The following HSPA4L variants were observed in gnomAD, a reference collection of about 807,000 sequenced individuals.
HSPA4L encodes the protein heat shock 70 kDa protein 4L.
In HSPA4L, 48 loss-of-function variants were observed where a neutral mutation model predicts 100.3. That is an observed-to-expected ratio of 0.48 (90% CI 0.38 to 0.61). HSPA4L has a LOEUF of 0.61. Ranked by LOEUF, HSPA4L falls within the 20% of genes least tolerant of loss-of-function variation. The pLI, the probability that HSPA4L is intolerant of heterozygous loss-of-function variation, is 0.00. For synonymous variants in HSPA4L, 319 were observed against 328.2 expected, an observed-to-expected ratio of 0.97 and a Z score of 0.30; for missense variants, 886 against 988.6, an observed-to-expected ratio of 0.90 and a Z score of 1.39.
intron 15 of HSPA4L, 150 bp downstream of exon 15, chr4:127,823,044 C>A: frequency 1.5e-6 from 1 of 652,056 alleles, no homozygotes; most frequent in Non-Finnish European, 2.4e-6. Context: ...TTACAAGTTG[C>A]AGAAGTATGG....
intron 17 of HSPA4L, among the ~76,000 whole-genome samples, chr4:127,829,128 CAT>C (rs1166527780): frequency 2.6e-5 from 4 of 152,152 alleles, no homozygotes; most frequent in Middle Eastern, 3.4e-3. Flanking sequence ...AGGTGATACA[CAT>C]GTTAGGAGAG....
intron 13 of HSPA4L, 106 bp downstream of exon 13, chr4:127,818,526 G>C (rs1733732618): frequency 3.4e-6 from 2 of 581,362 alleles, no homozygotes; most frequent in Non-Finnish European, 5.8e-6. Context: ...TCTTAGAATT[G>C]TGAGAGAATA....
In HSPA4L at chr4:127,836,505, G is replaced by A. The variant is rs1289547191; in HGVS notation, c.*3631G>A. The A allele has an allele frequency of 6.6e-6, 1 of 151,886 alleles. No homozygotes were observed. The highest frequency in any genetic ancestry group is 1.5e-5 in the Non-Finnish European group (1 of 67,988). 9.4% of individuals were successfully genotyped at this position (151,886 alleles called of 1,614,324 possible). On this transcript the variant is annotated 3_prime_UTR_variant, in exon 19 of 19. Transcript: ENST00000296464. Reference sequence around the variant, plus strand: ...TATATTAAGAGCTAAAAGAAGTAAAGGTTTCTTAGACTTTTTTTGGGAGGG... The same window carrying A: ...TATATTAAGAGCTAAAAGAAGTAAAAGTTTCTTAGACTTTTTTTGGGAGGG...
In HSPA4L at chr4:127,819,998, G is replaced by T. The variant is rs536437676; in HGVS notation, c.1675-430G>T. On this transcript the variant is annotated intron_variant, in intron 13 of 18. Coordinates refer to ENST00000296464, the MANE Select transcript of HSPA4L (RefSeq NM_014278.4). Reference sequence around the variant, plus strand: ...CATATACCTAGGAATGGAATTGCTGGGTCATAATTGTTTAACATTTTTGTT... The same window carrying T: ...CATATACCTAGGAATGGAATTGCTGTGTCATAATTGTTTAACATTTTTGTT... Among the ~76,000 whole-genome samples, 10 of 152,044 alleles carry T rather than the reference G, an allele frequency of 6.6e-5. No homozygotes were observed. In the East Asian group the frequency reaches 1.9e-3, roughly 29 times the overall value.
At chr4:127,822,664 T>G (rs1479593702) in intron 14 of HSPA4L, 105 bp from the exon 15 acceptor site, 2 of 1,052,352 alleles carry the variant, frequency 1.9e-6, no homozygotes, top group African/African-American at 3.2e-5. Flanking sequence ...ACTTATTTTT[T>G]GTATTGTAAT....
At chr4:127,831,618 A>T (rs1183045470) in intron 18 of HSPA4L, among the ~76,000 whole-genome samples, 1 of 151,950 alleles carries the variant, frequency 6.6e-6, no homozygotes, top group Non-Finnish European at 1.5e-5. Context: ...CATTTTACAT[A>T]TAGAGATATC....
rs1242460973 is a variant in HSPA4L, at chr4:127,818,312, A to G, written c.1579-13A>G. The G allele has an allele frequency of 3.2e-6, 5 of 1,574,418 alleles. No homozygotes were observed. Among genetic ancestry groups the G allele is most frequent in the Non-Finnish European group, 4.4e-6 (5 of 1,147,458 alleles). ...ACACTGCGTATATTATCAATTATGTATTTTCTTTCTAGGATAAAATGCAGG... is the reference window on the plus strand; with the variant it reads ...ACACTGCGTATATTATCAATTATGTGTTTTCTTTCTAGGATAAAATGCAGG... On this transcript the variant is annotated splice_polypyrimidine_tract_variant and intron_variant, in intron 12 of 18. Coordinates refer to ENST00000296464, the MANE Select transcript of HSPA4L (RefSeq NM_014278.4).
At chr4:127,783,494 G>C in intron 1 of HSPA4L, 1 of 1,458,254 alleles carries the variant, frequency 6.9e-7, no homozygotes, top group East Asian at 2.5e-5. Flanking sequence ...TAGGAGGAGC[G>C]GCGTTATGTC....
intron 12 of HSPA4L, 48 bp from the exon 13 acceptor site, chr4:127,818,277 C>CAA: frequency 7.5e-7 from 1 of 1,326,154 alleles, no homozygotes; most frequent in Non-Finnish European, 1.1e-6. Context: ...ATTTTTAAAA[C>CAA]AAAAAAAAGA....
intron 3 of HSPA4L, among the ~76,000 whole-genome samples, chr4:127,798,354 GA>G (rs1224085092): frequency 6.6e-6 from 1 of 152,128 alleles, no homozygotes; most frequent in Non-Finnish European, 1.5e-5. Flanking sequence ...CTACACTTTT[GA>G]AAATACTTTG....
Position 127,808,088 on chromosome 4 carries a change from A to T in HSPA4L, c.1337A>T (p.Tyr446Phe). 1 of 1,612,370 alleles carries T rather than the reference A, an allele frequency of 6.2e-7. No homozygotes were observed. Among genetic ancestry groups the T allele is most frequent in the Middle Eastern group, 1.7e-4 (1 of 6,054 alleles). Residue 446 changes from tyrosine (Y) to phenylalanine (F), a missense_variant, in exon 11 of 19, where the codon TAT (tyrosine) becomes TTT (phenylalanine). Coordinates refer to ENST00000296464, the MANE Select transcript of HSPA4L (RefSeq NM_014278.4). ...KKEPFELEAFYTNLHEVPYPD... is the reference protein window; with the variant it reads ...KKEPFELEAFFTNLHEVPYPD... ...GAACCATTTGAACTAGAAGCATTTT[A>T]TACTAATTTACATGAAGTGCCTTAT...
Position 127,795,796 on chromosome 4 carries a change from A to G in HSPA4L, c.194A>G (p.His65Arg). 6.2e-7 allele frequency: 1 copy of G among 1,613,702 alleles called. No homozygotes were observed. The highest frequency in any genetic ancestry group is 8.5e-7 in the Non-Finnish European group (1 of 1,179,654). Residue 65 changes from histidine to arginine, a missense_variant, in exon 3 of 19, where the codon CAT (histidine) becomes CGT (arginine). Transcript: ENST00000296464. The stretch of plus-strand genomic sequence containing the variant: ...GTCACGAACGTAAGAAATACAATTC[A>G]TGGCTTCAAAAAGCTTCATGGGCGA... ...QIVTNVRNTIHGFKKLHGRSF... is the reference protein window; with the variant it reads ...QIVTNVRNTIRGFKKLHGRSF...
chr4:127,806,762 G>A (rs914702804), intron 10 of HSPA4L, among the ~76,000 whole-genome samples: 1 of 151,820 alleles, frequency 6.6e-6, no homozygotes, highest in African/African-American at 2.4e-5. Context: ...ATGAATAATG[G>A]TGTGTTTACA....
intron 1 of HSPA4L, among the ~76,000 whole-genome samples, chr4:127,791,718 A>T (rs1023338913): frequency 1.3e-5 from 2 of 151,844 alleles, no homozygotes; most frequent in Non-Finnish European, 2.9e-5. Flanking sequence ...TCTCCAACAA[A>T]CTCTCTACCA....
At chr4:127,816,618 A>C (rs1733676717) in intron 12 of HSPA4L, among the ~76,000 whole-genome samples, 1 of 152,198 alleles carries the variant, frequency 6.6e-6, no homozygotes, top group African/African-American at 2.4e-5. Flanking sequence ...ATAAAGATAC[A>C]GTCATAAGTC....
At chr4:127,789,174 A>C (rs1375847555) in intron 1 of HSPA4L, among the ~76,000 whole-genome samples, 1 of 152,234 alleles carries the variant, frequency 6.6e-6, no homozygotes, top group Non-Finnish European at 1.5e-5. Context: ...GAGAAAATAC[A>C]GATACAGCTT....
Position 127,808,139 on chromosome 4 carries a change from A to T in HSPA4L, c.1378+10A>T, listed in dbSNP as rs757261296. The stretch of plus-strand genomic sequence containing the variant: ...CCTGATGCAAGAATTGGTAAGATAA[A>T]AAAAAGTTCTCCATAACATTTTGGC... On this transcript the variant is annotated intron_variant, in intron 11 of 18. Coordinates refer to ENST00000296464, the MANE Select transcript of HSPA4L (RefSeq NM_014278.4). The T allele has an allele frequency of 6.3e-7, 1 of 1,581,584 alleles. No homozygotes were observed. Among genetic ancestry groups the T allele is most frequent in the Non-Finnish European group, 8.5e-7 (1 of 1,170,602 alleles).
intron 17 of HSPA4L, 112 bp from the exon 18 acceptor site, chr4:127,830,526 A>G: frequency 1.4e-6 from 1 of 731,300 alleles, no homozygotes; most frequent in Non-Finnish European, 2.1e-6. Context: ...AGATGAGTAC[A>G]TTTGAGATAT....
At chr4:127,809,334 C>A in intron 11 of HSPA4L, 2 of 1,141,766 alleles carry the variant, frequency 1.8e-6, no homozygotes, top group Non-Finnish European at 2.7e-6. Flanking sequence ...CTTCTGGGAT[C>A]ACGCTGAGCC....
Sources: gnomAD v4.1 joint callset for allele counts (sites outside exome capture counted in the v4.1 genomes callset) on GRCh38, gnomAD v4.1.1 for gene constraint, MANE v1.5 for transcripts, NCBI Gene and HGNC (gene_info 2026-07-23, HGNC 2026-07-21) for gene names.